Variants in PLCB1 observed in about 807,000 individuals in gnomAD.
The protein encoded by PLCB1 is 1-phosphatidylinositol 4,5-bisphosphate phosphodiesterase beta-1.
Under a neutral mutation model 161.8 loss-of-function variants are expected in PLCB1, and 46 were observed. That is an observed-to-expected ratio of 0.28 (90% CI 0.22 to 0.36). The LOEUF (loss-of-function observed/expected upper bound fraction) is 0.36. Among genes scored for constraint, PLCB1 ranks in the 10% least tolerant of loss-of-function variants. The probability of loss-of-function intolerance (pLI) is 1.00; values close to 1 mark genes in which losing one functional copy is unlikely to be tolerated. For missense variants in PLCB1, 1,016 were observed against 1,472.5 expected (o/e 0.69, Z 5.07); for synonymous variants, 517 against 503.7 (o/e 1.03, Z -0.35).
At chr20:8,525,168 G>A (rs1600127616) in intron 3 of PLCB1, among the ~76,000 whole-genome samples, 1 of 149,442 alleles carries the variant, frequency 6.7e-6, no homozygotes, top group East Asian at 2.0e-4. Flanking sequence ...GAAAAAAAAA[G>A]TAATTTTTCA....
chr20:8,665,663 C>A (rs1024280075), intron 9 of PLCB1, among the ~76,000 whole-genome samples: 4 of 152,176 alleles, frequency 2.6e-5, no homozygotes, highest in African/African-American at 9.7e-5. Flanking sequence ...TTGACTCTTA[C>A]TATTTACTTC....
chr20:8,224,407 G>A (rs893258012), intron 2 of PLCB1, among the ~76,000 whole-genome samples: 7 of 152,062 alleles, frequency 4.6e-5, no homozygotes, highest in Non-Finnish European at 1.0e-4. Context: ...GACTAATAAC[G>A]TCTAGATTAT....
chr20:8,484,049 G>A lies in PLCB1; in HGVS notation c.246+112599G>A, dbSNP rs185703960. Among the ~76,000 whole-genome samples, 543 of 152,246 alleles carry A rather than the reference G, an allele frequency of 3.6e-3. 3 individuals are homozygous for A. Among genetic ancestry groups the A allele is most frequent in the Non-Finnish European group, 4.9e-3 (335 of 68,012 alleles). ...TGGTTTTGTTTTACTTTTTGAGAAG[G>A]AATTTTGCTCTTGTTGCCCAGGCTA... On this transcript the variant is annotated intron_variant, in intron 3 of 31. Coordinates refer to ENST00000338037, the MANE Select transcript of PLCB1 (RefSeq NM_015192.4).
At chr20:8,365,139 C>T (rs553139126) in intron 2 of PLCB1, among the ~76,000 whole-genome samples, 76 of 152,168 alleles carry the variant, frequency 5.0e-4, no homozygotes, top group African/African-American at 1.7e-3. Context: ...TAGCAGCAGC[C>T]GAACGAGGGA....
At chr20:8,684,860 A>G (rs1238393098) in intron 9 of PLCB1, 72 bp from the exon 10 acceptor site, 2 of 1,261,714 alleles carry the variant, frequency 1.6e-6, no homozygotes, top group African/African-American at 3.0e-5. Flanking sequence ...TTCTGGAAAA[A>G]AAAAAAAAAA....
intron 2 of PLCB1, among the ~76,000 whole-genome samples, chr20:8,152,886 T>G (rs901392150): frequency 6.6e-6 from 1 of 152,168 alleles, no homozygotes; most frequent in Non-Finnish European, 1.5e-5. Flanking sequence ...GTGTTTTTTA[T>G]TTTTCTTTTT....
chr20:8,754,764 A>C (rs963835722), intron 23 of PLCB1, among the ~76,000 whole-genome samples: 1 of 152,180 alleles, frequency 6.6e-6, no homozygotes, highest in Admixed American at 6.5e-5. Flanking sequence ...CTAGTTTTTC[A>C]AGGGAAGTAA....
intron 2 of PLCB1, among the ~76,000 whole-genome samples, chr20:8,172,515 ATT>A (rs2051743256): frequency 6.6e-6 from 1 of 152,214 alleles, no homozygotes; most frequent in Non-Finnish European, 1.5e-5. Flanking sequence ...GGTCAGAGAG[ATT>A]GCTGAAGACA....
At chr20:8,280,496 C>T (rs757256572) in intron 2 of PLCB1, among the ~76,000 whole-genome samples, 2 of 151,936 alleles carry the variant, frequency 1.3e-5, no homozygotes, top group Non-Finnish European at 2.9e-5. Context: ...TTTTTCAATT[C>T]AAATAACTAA....
intron 3 of PLCB1, among the ~76,000 whole-genome samples, chr20:8,550,514 C>T (rs1226591071): frequency 6.6e-6 from 1 of 152,092 alleles, no homozygotes; most frequent in Non-Finnish European, 1.5e-5. Flanking sequence ...GTGCCTTCCA[C>T]CATGATTGTA....
chr20:8,446,461 G>A (rs887420697), intron 3 of PLCB1, among the ~76,000 whole-genome samples: 5 of 152,106 alleles, frequency 3.3e-5, no homozygotes, highest in Admixed American at 6.5e-5. Flanking sequence ...CATACTGAAT[G>A]GGCAAAAACT....
At chr20:8,711,034 C>G (rs1978985623) in intron 12 of PLCB1, among the ~76,000 whole-genome samples, 1 of 152,114 alleles carries the variant, frequency 6.6e-6, no homozygotes, top group South Asian at 2.1e-4. Context: ...TAAGCCTTAC[C>G]ACAAACCCAG....
chr20:8,511,924 T>G (rs937754085), intron 3 of PLCB1, among the ~76,000 whole-genome samples: 4 of 152,180 alleles, frequency 2.6e-5, no homozygotes, highest in African/African-American at 9.7e-5. Context: ...ATTTTGGATA[T>G]TCACTCCTTA....
At chr20:8,705,037 C>T (rs1356488635) in intron 11 of PLCB1, among the ~76,000 whole-genome samples, 1 of 132,066 alleles carries the variant, frequency 7.6e-6, no homozygotes, top group Non-Finnish European at 1.5e-5. Context: ...GGCCCATCCA[C>T]ATTAGGGAGG....
intron 3 of PLCB1, among the ~76,000 whole-genome samples, chr20:8,426,510 C>G (rs559563281): frequency 4.6e-5 from 7 of 152,226 alleles, no homozygotes; most frequent in Admixed American, 2.0e-4. Context: ...TAAATTTAAG[C>G]CTTTCTTTGC....
intron 26 of PLCB1, among the ~76,000 whole-genome samples, chr20:8,770,743 T>A (rs1982634804): frequency 6.6e-6 from 1 of 152,202 alleles, no homozygotes; most frequent in Admixed American, 6.5e-5. Flanking sequence ...AGTTTCTGAT[T>A]AGCCTCTTGG....
intron 31 of PLCB1, among the ~76,000 whole-genome samples, chr20:8,829,580 G>A (rs994203365): frequency 6.6e-6 from 1 of 152,232 alleles, no homozygotes; most frequent in African/African-American, 2.4e-5. Context: ...CACTGCTTCA[G>A]TACAGAATGC....
intron 31 of PLCB1, among the ~76,000 whole-genome samples, chr20:8,824,114 A>G (rs144203623): frequency 4.1e-4 from 62 of 152,306 alleles, no homozygotes; most frequent in African/African-American, 1.4e-3. Context: ...CCAACAAACA[A>G]AATTGCGTTT....
chr20:8,201,320 G>T (rs1422724412), intron 2 of PLCB1, among the ~76,000 whole-genome samples: 1 of 151,760 alleles, frequency 6.6e-6, no homozygotes, highest in East Asian at 1.9e-4. Flanking sequence ...AATATTGTGG[G>T]TTTTTTTAAC....
Sources: allele counts gnomAD v4.1 joint callset (sites outside exome capture counted in the v4.1 genomes callset), GRCh38; gene constraint gnomAD v4.1.1; transcripts MANE v1.5; gene names NCBI Gene and HGNC (gene_info 2026-07-23, HGNC 2026-07-21).